CATSPERD: variants seen among roughly 807,000 people sequenced by gnomAD.
The protein encoded by CATSPERD is catsper channel auxiliary subunit delta, also known as cation channel sperm-associated auxiliary subunit delta.
In CATSPERD, 86 loss-of-function variants were observed where a neutral mutation model predicts 98.1. The observed-to-expected ratio is 0.88, with a 90% CI of 0.74 to 1.05. CATSPERD has a LOEUF of 1.05. Among genes scored for constraint, CATSPERD ranks in the 50% least tolerant of loss-of-function variants. The pLI is 0.00. For synonymous variants in CATSPERD, 394 were observed against 390.2 expected (o/e 1.01, Z -0.12); for missense variants, 995 against 1,005.7 (o/e 0.99, Z 0.14).
chr19:5,763,137 C>A, intron 15 of CATSPERD, 78 bp from the exon 16 acceptor site: 1 of 1,067,600 alleles, frequency 9.4e-7, no homozygotes, highest in Non-Finnish European at 1.4e-6. Flanking sequence ...ACTGAATGGA[C>A]TGAAGGATGA....
chr19:5,759,737 G>A lies in CATSPERD; in HGVS notation c.1427+593G>A, dbSNP rs200329827. 6.0e-4 allele frequency among the ~76,000 whole-genome samples: 91 copies of A among 151,920 alleles called. 4 individuals are homozygous for A. The highest frequency in any genetic ancestry group is 5.1e-3 in the East Asian group (26 of 5,148). On this transcript the variant is annotated intron_variant, in intron 15 of 21. Coordinates refer to ENST00000381624, the MANE Select transcript of CATSPERD (RefSeq NM_152784.4). The stretch of plus-strand genomic sequence containing the variant: ...ATCACCAGATGAAAGGATGAACACA[G>A]CGTGGTCCATCCGCACATCGCAATA...
Position 5,720,818 on chromosome 19 carries a change from C to A in CATSPERD, c.71+10C>A. On this transcript the variant is annotated intron_variant, in intron 1 of 21. Coordinates refer to ENST00000381624, the MANE Select transcript of CATSPERD (RefSeq NM_152784.4). ...CAGCTCAGCTCTGTCGGTGGGGCTGCCAGGACTCCTGGGGCTGGGGTGCTG... is the reference window on the plus strand; with the variant it reads ...CAGCTCAGCTCTGTCGGTGGGGCTGACAGGACTCCTGGGGCTGGGGTGCTG... The A allele has an allele frequency of 6.3e-7, 1 of 1,595,782 alleles. No individual in the cohort carries two copies.
chr19:5,753,691 A>G, intron 12 of CATSPERD: 1 of 299,560 alleles, frequency 3.3e-6, no homozygotes. Context: ...CAACATAGTA[A>G]GCCCTTGTCT....
intron 18 of CATSPERD, among the ~76,000 whole-genome samples, chr19:5,768,686 T>C (rs939670866): frequency 1.3e-5 from 2 of 151,980 alleles, no homozygotes; most frequent in Non-Finnish European, 2.9e-5. Context: ...CAGGCTGGAG[T>C]GCAGCGATGC....
chr19:5,774,354 A>AT (rs1271491045), intron 20 of CATSPERD, among the ~76,000 whole-genome samples: 2 of 151,522 alleles, frequency 1.3e-5, no homozygotes, highest in Admixed American at 6.6e-5. Flanking sequence ...CCCCATTACT[A>AT]TTTTTTTTCC....
chr19:5,757,442 C>A (rs944954364), intron 13 of CATSPERD, among the ~76,000 whole-genome samples: 2 of 151,118 alleles, frequency 1.3e-5, no homozygotes, highest in Non-Finnish European at 2.9e-5. Context: ...GGATTACAGG[C>A]ATGCACCACC....
At chr19:5,762,058 A>ATATATATATATATATATATATTTTTTTT in intron 15 of CATSPERD, among the ~76,000 whole-genome samples, 2 of 10,434 alleles carry the variant, frequency 1.9e-4, no homozygotes, top group African/African-American at 3.3e-4. Flanking sequence ...ATATATATAT[A>ATATATATATATATATATATATTTTTTTT]TTTTTTTTTT....
At chr19:5,754,370 C>T in intron 13 of CATSPERD, 125 bp downstream of exon 13, 2 of 490,910 alleles carry the variant, frequency 4.1e-6, no homozygotes, top group South Asian at 4.1e-5. Context: ...ACTCACAATT[C>T]TGCATAGAAA....
chr19:5,751,380 A>G (rs926551048), intron 11 of CATSPERD, among the ~76,000 whole-genome samples: 4 of 150,154 alleles, frequency 2.7e-5, no homozygotes, highest in African/African-American at 9.8e-5. Context: ...AAAGAAAAAA[A>G]AAATTAGCCG....
At position 5,751,729 on chromosome 19, in the gene CATSPERD, G is replaced by A. The variant is rs371947428; in HGVS notation, c.1070G>A (p.Arg357His). The A allele has an allele frequency of 3.8e-5, 62 of 1,613,754 alleles. No individual in the cohort carries two copies. Among genetic ancestry groups the A allele is most frequent in the African/African-American group, 3.1e-4 (23 of 74,890 alleles). The change falls in exon 12 of 22, where the codon CGT becomes CAT. Residue 357 changes from arginine to histidine, a missense_variant. Arg to His is a conservative substitution (Grantham distance 29, BLOSUM62 0). Around this residue, in one of 3 missense-constraint regions of CATSPERD, gnomAD observed 762 missense variants for 773.7 expected, o/e 0.98. Transcript: ENST00000381624. Reference sequence around the variant, plus strand: ...ACTCTGGAAATACTGACCCCACTGCGTGACACAGCCTTTCCAGCTTTTGAT... The same window carrying A: ...ACTCTGGAAATACTGACCCCACTGCATGACACAGCCTTTCCAGCTTTTGAT... ...PGTLEILTPL[R>H]DTAFPAFDFQ... is the part of the protein sequence containing the mutation.
Position 5,739,430 on chromosome 19 carries a change from TGACA to T in CATSPERD, c.570_573del (p.Ala192LysfsTer6). 1 of 1,491,048 alleles carries T rather than the reference TGACA, an allele frequency of 6.7e-7. No individual in the cohort carries two copies. The highest frequency in any genetic ancestry group is 1.7e-4 in the Middle Eastern group (1 of 5,796). The allele number at this position is 1,491,048 out of a possible 1,614,324, so 92.4% of individuals were successfully genotyped here. ...GATTCAGTTTTTGGAAGTATCACTATGACAGACAGGTATGTTAAATTTGGTAAGA... is the reference window on the plus strand; with the variant it reads ...GATTCAGTTTTTGGAAGTATCACTATGACAGGTATGTTAAATTTGGTAAGA... On this transcript the variant is annotated frameshift_variant, in exon 7 of 22. Coordinates refer to ENST00000381624, the MANE Select transcript of CATSPERD (RefSeq NM_152784.4). LOFTEE classifies it high-confidence loss of function.
At chr19:5,721,472 A>G (rs948195388) in intron 1 of CATSPERD, among the ~76,000 whole-genome samples, 1 of 152,086 alleles carries the variant, frequency 6.6e-6, no homozygotes, top group Non-Finnish European at 1.5e-5. Context: ...AAATTTCAGT[A>G]AATGTTAGGT....
chr19:5,763,098 G>A, intron 15 of CATSPERD, 117 bp from the exon 16 acceptor site: 1 of 721,220 alleles, frequency 1.4e-6, no homozygotes, highest in Non-Finnish European at 2.4e-6. Flanking sequence ...TGGAAGGATG[G>A]ATGAGATGGA....
chr19:5,734,072 A>C, intron 5 of CATSPERD, 102 bp downstream of exon 5: 1 of 693,820 alleles, frequency 1.4e-6, no homozygotes, highest in Non-Finnish European at 2.4e-6. Flanking sequence ...CTTGGATGTC[A>C]ACCCCAGGAC....
rs375867321 is a variant in CATSPERD, at chr19:5,751,636, T to G, written c.988-11T>G. ...ACAATGATTAGATCTCAGGAATCAT[T>G]TTCTTCTTAGTTTGCAGACCAATAC... On this transcript the variant is annotated splice_polypyrimidine_tract_variant and intron_variant, in intron 11 of 21. Coordinates refer to ENST00000381624, the MANE Select transcript of CATSPERD (RefSeq NM_152784.4). The G allele has an allele frequency of 1.7e-5, 26 of 1,504,068 alleles. No homozygotes were observed. The highest frequency in any genetic ancestry group is 2.3e-5 in the Non-Finnish European group (26 of 1,118,236). 93.2% of individuals were successfully genotyped at this position (1,504,068 alleles called of 1,614,324 possible).
At chr19:5,724,551 T>C (rs920795008) in intron 1 of CATSPERD, among the ~76,000 whole-genome samples, 2 of 152,046 alleles carry the variant, frequency 1.3e-5, no homozygotes, top group Non-Finnish European at 2.9e-5. Flanking sequence ...TATAAAAAAT[T>C]AGCTAGGTGT....
At chr19:5,755,720 C>G (rs983985186) in intron 13 of CATSPERD, among the ~76,000 whole-genome samples, 1 of 151,944 alleles carries the variant, frequency 6.6e-6, no homozygotes, top group Admixed American at 6.6e-5. Context: ...TTGCGGTGAG[C>G]CAAGATCGTG....
chr19:5,775,895 G>A (rs1372666186), intron 20 of CATSPERD, among the ~76,000 whole-genome samples: 1 of 152,090 alleles, frequency 6.6e-6, no homozygotes, highest in Non-Finnish European at 1.5e-5. Flanking sequence ...TACTCATATG[G>A]CCTCCAGTGG....
chr19:5,746,445 T>TC (rs2056095253), intron 9 of CATSPERD, among the ~76,000 whole-genome samples: 1 of 152,010 alleles, frequency 6.6e-6, no homozygotes, highest in Non-Finnish European at 1.5e-5. Context: ...TCTTTTTTTT[T>TC]TGAGACGGAG....
Sources: gnomAD v4.1 joint callset for allele counts (sites outside exome capture counted in the v4.1 genomes callset) on GRCh38, gnomAD v4.1.1 for gene constraint, gnomAD v4.1.1 regional missense constraint, MANE v1.5 for transcripts, NCBI Gene and HGNC (gene_info 2026-07-23, HGNC 2026-07-21) for gene names.